Variants in HAT1 observed in about 807,000 individuals in gnomAD.
The protein encoded by HAT1 is histone acetyltransferase 1.
Under a neutral mutation model 56.6 loss-of-function variants are expected in HAT1, and 20 were observed. That is an observed-to-expected ratio of 0.35 (90% CI 0.25 to 0.51). The LOEUF is 0.51. Ranked by LOEUF, HAT1 falls within the 20% of genes least tolerant of loss-of-function variation. The pLI is 0.95. For missense variants in HAT1, 408 were observed against 504.3 expected (o/e 0.81, Z 1.83); for synonymous variants, 146 against 165.5 (o/e 0.88, Z 0.91).
intron 2 of HAT1, among the ~76,000 whole-genome samples, chr2:171,938,024 T>TTCTCATTCTCTC (rs1482378377): frequency 1.2e-4 from 13 of 104,848 alleles, no homozygotes; most frequent in Middle Eastern, 4.6e-3. Flanking sequence ...TGTCTACTGA[T>TTCTCATTCTCTC]TCTCTCTCTC....
intron 4 of HAT1, among the ~76,000 whole-genome samples, chr2:171,956,552 G>T (rs114356996): frequency 0.013 from 2,045 of 152,278 alleles, 44 homozygotes; most frequent in African/African-American, 0.045. Context: ...CCTCTGGTTG[G>T]TGAGGGCTTA....
At chr2:171,966,789 T>A in intron 7 of HAT1, 54 bp from the exon 8 acceptor site, 1 of 857,190 alleles carries the variant, frequency 1.2e-6, no homozygotes, top group Non-Finnish European at 1.9e-6. Flanking sequence ...ATCTGCAGGT[T>A]TTAAACTGGT....
intron 8 of HAT1, among the ~76,000 whole-genome samples, chr2:171,971,172 C>T (rs1465641524): frequency 1.2e-4 from 18 of 152,024 alleles, no homozygotes; most frequent in African/African-American, 1.9e-4. Context: ...TACTCCAGCC[C>T]GGGTGACAGA....
Position 171,925,597 on chromosome 2 carries a change from C to A in HAT1, c.68C>A (p.Ala23Glu). Residue 23 changes from alanine (A) to glutamate (E), a missense_variant, in exon 2 of 11, where the codon GCA becomes GAA. Ala to Glu is a moderately radical substitution (Grantham distance 107, BLOSUM62 -1). Coordinates refer to ENST00000264108, the MANE Select transcript of HAT1 (RefSeq NM_003642.4). ...AAGAGTGCAGTGGAGAAGAAACTGGCAGAGTACAAATGTAACACCAACACA... is the reference window on the plus strand; with the variant it reads ...AAGAGTGCAGTGGAGAAGAAACTGGAAGAGTACAAATGTAACACCAACACA... ...EYKSAVEKKL[A>E]EYKCNTNTAI... 6.3e-7 allele frequency: 1 copy of A among 1,581,862 alleles called. No individual in the cohort carries two copies. The highest frequency in any genetic ancestry group is 8.7e-7 in the Non-Finnish European group (1 of 1,150,860).
rs1380026392 is a variant in HAT1, at chr2:171,951,462, C to G, written c.189-1419C>G. Among the ~76,000 whole-genome samples, 4 of 152,150 alleles carry G rather than the reference C, an allele frequency of 2.6e-5. No homozygotes were observed. In the East Asian group the frequency reaches 5.8e-4, roughly 22 times the overall value. ...TGAGACGGAGTCTTGCTCTGTTGCC[C>G]AGGCTGAAGTGCAGTGGCGCAATCT... is the stretch of plus-strand genomic sequence containing the variant. On this transcript the variant is annotated intron_variant, in intron 3 of 10. Transcript: ENST00000264108.
At chr2:171,970,862 T>TG (rs2105339521) in intron 8 of HAT1, among the ~76,000 whole-genome samples, 1 of 150,956 alleles carries the variant, frequency 6.6e-6, no homozygotes, top group African/African-American at 2.4e-5. Context: ...GAAATAGACT[T>TG]GGAAAAACTG....
intron 2 of HAT1, among the ~76,000 whole-genome samples, chr2:171,929,172 T>G (rs956201784): frequency 6.6e-5 from 10 of 152,358 alleles, no homozygotes; most frequent in Middle Eastern, 3.4e-3. Flanking sequence ...TACTTCATAG[T>G]GGTTGTAAAG....
rs776172562 is a variant in HAT1, at chr2:171,980,855, C to CA, written c.1092+1508dup. On this transcript the variant is annotated intron_variant, in intron 10 of 10. Transcript: ENST00000264108. ...TGGGCAATGGAGCAAGACTCCATCT[C>CA]AAAAAAAAAAAAAAAATTTAAAAAA... 575 of 67,164 alleles carry CA rather than the reference C, an allele frequency of 8.6e-3. 2 individuals are homozygous for CA. Among genetic ancestry groups the CA allele is most frequent in the African/African-American group, 0.027 (434 of 15,880 alleles). The allele number at this position is 67,164 out of a possible 1,614,324, so 4.2% of individuals were successfully genotyped here.
At position 171,939,586 on chromosome 2, in the gene HAT1, G is replaced by C. The variant is rs567669868; in HGVS notation, c.113-7122G>C. Among the ~76,000 whole-genome samples the C allele has an allele frequency of 7.2e-5, 11 of 152,294 alleles. No individual in the cohort carries two copies. In the East Asian group the frequency reaches 2.1e-3, roughly 29 times the overall value. On this transcript the variant is annotated intron_variant, in intron 2 of 10. Coordinates refer to ENST00000264108, the MANE Select transcript of HAT1 (RefSeq NM_003642.4). ...ACTTTTAGAAAGCTATCTCACTTCT[G>C]TGTATAAGAGAAGATATGTGTGATC...
At chr2:171,926,832 A>T (rs1028749442) in intron 2 of HAT1, among the ~76,000 whole-genome samples, 4 of 152,232 alleles carry the variant, frequency 2.6e-5, no homozygotes, top group African/African-American at 7.2e-5. Flanking sequence ...ATGTATGTTC[A>T]CGCAAAAACT....
intron 8 of HAT1, among the ~76,000 whole-genome samples, chr2:171,971,098 G>T (rs531715721): frequency 6.6e-6 from 1 of 152,090 alleles, no homozygotes; most frequent in African/African-American, 2.4e-5. Context: ...TACTTGGGAC[G>T]CTGAGGCAGG....
intron 6 of HAT1, chr2:171,966,178 A>G (rs1687678964): frequency 3.3e-6 from 2 of 611,030 alleles, no homozygotes; most frequent in African/African-American, 1.9e-5. Flanking sequence ...CCACCTATTC[A>G]TCTTTATAAT....
intron 2 of HAT1, among the ~76,000 whole-genome samples, chr2:171,941,537 T>G (rs1295491223): frequency 6.6e-6 from 1 of 152,142 alleles, no homozygotes; most frequent in African/African-American, 2.4e-5. Context: ...TCCCCAGTGC[T>G]AGTATCACTG....
chr2:171,950,144 T>C (rs144728052), intron 3 of HAT1, among the ~76,000 whole-genome samples: 48 of 152,266 alleles, frequency 3.2e-4, no homozygotes, highest in Non-Finnish European at 5.0e-4. Context: ...ACATATTTCT[T>C]TAATGTGTGG....
chr2:171,971,355 G>A (rs1187640964), intron 8 of HAT1, among the ~76,000 whole-genome samples: 1 of 152,188 alleles, frequency 6.6e-6, no homozygotes, highest in East Asian at 1.9e-4. Context: ...TAGTAAACCT[G>A]CCTGTTTTAG....
intron 4 of HAT1, among the ~76,000 whole-genome samples, chr2:171,953,423 A>G (rs1015462697): frequency 1.3e-5 from 2 of 151,952 alleles, no homozygotes; most frequent in Admixed American, 1.3e-4. Context: ...GCTTGTGCCT[A>G]TAATGCCAGT....
At chr2:171,975,801 A>G (rs1687947201) in intron 8 of HAT1, among the ~76,000 whole-genome samples, 1 of 151,864 alleles carries the variant, frequency 6.6e-6, no homozygotes, top group Admixed American at 6.6e-5. Flanking sequence ...CATTTCAAAG[A>G]ACCAACTTTG....
At chr2:171,926,411 A>G (rs1393568132) in intron 2 of HAT1, among the ~76,000 whole-genome samples, 2 of 152,162 alleles carry the variant, frequency 1.3e-5, no homozygotes, top group Non-Finnish European at 2.9e-5. Context: ...CTCCTGCCTC[A>G]GCCTCCCGTG....
At chr2:171,967,897 ACCCC>A (rs1687721692) in intron 8 of HAT1, among the ~76,000 whole-genome samples, 1 of 33,708 alleles carries the variant, frequency 3.0e-5, no homozygotes. Flanking sequence ...CCACCCACCC[ACCCC>A]CACCAAAAAA....
Sources: allele counts gnomAD v4.1 joint callset (sites outside exome capture counted in the v4.1 genomes callset), GRCh38; gene constraint gnomAD v4.1.1; transcripts MANE v1.5; gene names NCBI Gene and HGNC (gene_info 2026-07-23, HGNC 2026-07-21).